Variants in CLCN2 observed in about 807,000 individuals in gnomAD.
CLCN2 encodes chloride channel protein 2.
In CLCN2, 72 loss-of-function variants were observed where a neutral mutation model predicts 108.3. That is an observed-to-expected ratio of 0.66 (90% confidence interval 0.55 to 0.81). The LOEUF (loss-of-function observed/expected upper bound fraction) is 0.81. CLCN2 is among the 30% of genes least tolerant of loss of function. The pLI is 0.00. For missense variants in CLCN2, 1,048 were observed against 1,205.2 expected (o/e 0.87, Z 1.93); for synonymous variants, 471 against 467.1 (o/e 1.01, Z -0.11).
At chr3:184,354,500 G>C in intron 14 of CLCN2, 48 bp downstream of exon 14, 1 of 1,491,700 alleles carries the variant, frequency 6.7e-7, no homozygotes, top group Non-Finnish European at 9.3e-7. Context: ...TGTGGCTGGG[G>C]CGTGGGTGGG....
chr3:184,356,639 C>CA (rs555983047), intron 10 of CLCN2: 6,983 of 115,064 alleles, frequency 0.061, 49 homozygotes, highest in African/African-American at 0.091. Flanking sequence ...AACTCCGTCT[C>CA]AAAAAAAAAA....
At chr3:184,358,497 G>T in intron 3 of CLCN2, 185 bp downstream of exon 3, 1 of 1,087,550 alleles carries the variant, frequency 9.2e-7, no homozygotes, top group Non-Finnish European at 1.4e-6. Context: ...CACTTGGAGA[G>T]GGGATGCAAG....
rs1712095223 is a variant in CLCN2, at chr3:184,361,410, C to T, written c.63+7G>A. On this transcript the variant is annotated splice_region_variant and intron_variant, in intron 1 of 23. Coordinates refer to ENST00000265593, the MANE Select transcript of CLCN2 (RefSeq NM_004366.6). This position sits in a 1 kb window ranked among gnomAD's most constrained non-coding sequence, Gnocchi z 6.6. ...GCACTCCTGGGGCTCAGCTCAGCTT[C>T]ACTTACCAGGGTCTGCTCGTACTGC... 1 of 1,613,688 alleles carries T rather than the reference C, an allele frequency of 6.2e-7. No homozygotes were observed. Among genetic ancestry groups the T allele is most frequent in the South Asian group, 1.1e-5 (1 of 91,088 alleles).
intron 3 of CLCN2, 22 bp from the exon 4 acceptor site, chr3:184,358,332 G>A (rs1342377314): frequency 6.2e-7 from 1 of 1,612,974 alleles, no homozygotes; most frequent in East Asian, 2.2e-5. Context: ...GGACCTGCTG[G>A]ACCCCCAGTG....
In CLCN2 at chr3:184,357,441, C is replaced by T. The variant is rs905696704; in HGVS notation, c.819G>A (p.Arg273=). 6.2e-7 allele frequency: 1 copy of T among 1,614,062 alleles called. No individual in the cohort carries two copies. Among genetic ancestry groups the T allele is most frequent in the Non-Finnish European group, 8.5e-7 (1 of 1,180,050 alleles). ...CAGCGAAGAAGCCCCGCCAGTAGTT[C>T]CGCACTGCAAAGAAGGTGGAGGTGA... ...IEVTSTFFAV[R]NYWRGFFAAT... is the part of the protein sequence containing the mutation. Residue 273 remains arginine, a synonymous_variant, in exon 8 of 24, where the codon CGG becomes CGA. Transcript: ENST00000265593.
At position 184,353,343 on chromosome 3, in the gene CLCN2, C is replaced by CCGG. The variant is rs545787624; in HGVS notation, c.1932_1934dup (p.Arg646dup). Reference sequence around the variant, plus strand: ...CTCTGCGCTCCTGCATGTGCTGCCGCCGGCGGGCTGGGCTCAGCTGGGCCC... The same window carrying CCGG: ...CTCTGCGCTCCTGCATGTGCTGCCGCCGGCGGCGGGCTGGGCTCAGCTGGGCCC... On this transcript the variant is annotated inframe_insertion, in exon 17 of 24. Coordinates refer to ENST00000265593, the MANE Select transcript of CLCN2 (RefSeq NM_004366.6). 34,529 of 1,613,312 alleles carry CCGG rather than the reference C, an allele frequency of 0.021. 446 individuals are homozygous for CCGG. The highest frequency in any genetic ancestry group is 0.026 in the Non-Finnish European group (30,311 of 1,179,942).
At position 184,357,187 on chromosome 3, in the gene CLCN2, G is replaced by A; in HGVS notation, c.978C>T (p.Val326=). The change falls in exon 9 of 24, where the codon GTC becomes GTT. Residue 326 remains valine (V), a synonymous_variant. Transcript: ENST00000265593. ...CAGCCCCCTCAGCTCCTCACCCAAT[G>A]ACAGCAAAGGCTGGCAGCTCCTGCA... is the stretch of plus-strand genomic sequence containing the variant. ...FDLQELPAFA[V]IGIASGFGGA... The A allele has an allele frequency of 1.2e-6, 2 of 1,613,834 alleles. No individual in the cohort carries two copies. The highest frequency in any genetic ancestry group is 1.7e-6 in the Non-Finnish European group (2 of 1,179,944).
At chr3:184,354,039 G>A (rs2108565282) in intron 15 of CLCN2, 62 bp downstream of exon 15, 3 of 1,541,232 alleles carry the variant, frequency 1.9e-6, no homozygotes, top group Middle Eastern at 4.1e-4. Context: ...GGTGGCTGTA[G>A]GGGGATCTAG....
chr3:184,353,688 C>A lies in CLCN2; in HGVS notation c.1829G>T (p.Arg610Leu), dbSNP rs200403170. The change falls in exon 16 of 24, where the codon CGA becomes CTA. Residue 610 changes from arginine to leucine, a missense_variant. By Grantham distance (102) the Arg-to-Leu change is moderately radical. Coordinates refer to ENST00000265593, the MANE Select transcript of CLCN2 (RefSeq NM_004366.6). ...AGGGGACTCCACTAGGGCCAGCATT[C>A]GGCCCTTGGTCCTGTGCAGTGCCAA... ...LRLALHRTKG[R>L]MLALVESPES... is the part of the protein sequence containing the mutation. The A allele has an allele frequency of 1.9e-6, 3 of 1,611,886 alleles. No individual in the cohort carries two copies. The highest frequency in any genetic ancestry group is 1.1e-5 in the South Asian group (1 of 90,630).
At chr3:184,351,567 C>T (rs1053166099) in intron 22 of CLCN2, among the ~76,000 whole-genome samples, 3 of 152,270 alleles carry the variant, frequency 2.0e-5, no homozygotes, top group African/African-American at 7.2e-5. Flanking sequence ...TTTATCTCTA[C>T]TCTGCAGTCT....
intron 22 of CLCN2, among the ~76,000 whole-genome samples, chr3:184,350,300 T>C (rs912645782): frequency 6.6e-6 from 1 of 152,184 alleles, no homozygotes; most frequent in African/African-American, 2.4e-5. Context: ...AAATCTGGGC[T>C]CTGGGCCTGA....
rs544871892 is a variant in CLCN2, at chr3:184,354,884, G to A, written c.1396+20C>T. On this transcript the variant is annotated intron_variant, in intron 13 of 23. Coordinates refer to ENST00000265593, the MANE Select transcript of CLCN2 (RefSeq NM_004366.6). ...GCTGAGGAAGGTGCAGGCTGGGTGA[G>A]CAGGCAGCTGAGAACTCACCAATGA... The A allele has an allele frequency of 6.2e-7, 1 of 1,611,924 alleles. No individual in the cohort carries two copies. The highest frequency in any genetic ancestry group is 1.1e-5 in the South Asian group (1 of 91,038).
rs931639957 is a variant in CLCN2, at chr3:184,358,520, G to C, written c.352+162C>G. On this transcript the variant is annotated intron_variant, in intron 3 of 23. Transcript: ENST00000265593. ...GAGGGGATGCAAGAAGCTGTGCCCT[G>C]TGGGAGTGGCCGAGATGATGCCTGA... 9.6e-6 allele frequency: 11 copies of C among 1,143,926 alleles called. No homozygotes were observed. The Admixed American group carries it at 9.9e-5, about 10-fold the overall frequency. 70.9% of individuals were successfully genotyped at this position (1,143,926 alleles called of 1,614,324 possible). A position where few individuals can be genotyped will look rare whatever the true frequency, so the allele number is the denominator to read the frequency against.
chr3:184,355,607 G>A lies in CLCN2; in HGVS notation c.1171-78C>T. 1.2e-6 allele frequency: 2 copies of A among 1,605,306 alleles called. No individual in the cohort carries two copies. The highest frequency in any genetic ancestry group is 1.3e-5 in the African/African-American group (1 of 74,886). On this transcript the variant is annotated intron_variant, in intron 11 of 23. Coordinates refer to ENST00000265593, the MANE Select transcript of CLCN2 (RefSeq NM_004366.6). The surrounding 1 kb of genome is among the most constrained non-coding windows in gnomAD (Gnocchi z 6.3). ...GGCCATGGGATCCCACGGGGAACAA[G>A]GGGTCCCACAGTCACACTGGGGCTG...
intron 2 of CLCN2, 31 bp downstream of exon 2, chr3:184,358,944 C>A (rs765783489): frequency 1.2e-6 from 2 of 1,613,396 alleles, no homozygotes; most frequent in Non-Finnish European, 1.7e-6. Flanking sequence ...CACAGCACAG[C>A]CAGGTCCCCT....
At chr3:184,347,294 T>A in intron 22 of CLCN2, 1 of 506,640 alleles carries the variant, frequency 2.0e-6, no homozygotes, top group East Asian at 3.7e-5. Context: ...TAGTCCCATG[T>A]TAGAAAGGGG....
chr3:184,351,266 CA>C (rs1728070864), intron 22 of CLCN2, among the ~76,000 whole-genome samples: 1 of 152,014 alleles, frequency 6.6e-6, no homozygotes. Flanking sequence ...TTATGCCTGT[CA>C]AAAGTTTAGC....
Position 184,353,793 on chromosome 3 carries a change from T to G in CLCN2, c.1724A>C (p.Gln575Pro). The G allele has an allele frequency of 1.2e-6, 2 of 1,605,718 alleles. No individual in the cohort carries two copies. Among genetic ancestry groups the G allele is most frequent in the Non-Finnish European group, 1.7e-6 (2 of 1,176,776 alleles). Residue 575 changes from glutamine to proline, a missense_variant and splice_region_variant, in exon 16 of 24, where the codon CAG becomes CCG. Coordinates refer to ENST00000265593, the MANE Select transcript of CLCN2 (RefSeq NM_004366.6). ...GATGTCCTCCACACGCACCCGGTACTGCCTGGGGGCCGAGAGAGGCGCTTG... is the reference window on the plus strand; with the variant it reads ...GATGTCCTCCACACGCACCCGGTACGGCCTGGGGGCCGAGAGAGGCGCTTG... ...LPELGWGRHQ[Q>P]YRVRVEDIMV... is the part of the protein sequence containing the mutation.
chr3:184,357,713 G>A lies in CLCN2; in HGVS notation c.694-15C>T, dbSNP rs1378326533. On this transcript the variant is annotated splice_polypyrimidine_tract_variant and intron_variant, in intron 6 of 23. Coordinates refer to ENST00000265593, the MANE Select transcript of CLCN2 (RefSeq NM_004366.6). ...CGGGATTCATTCTGGCGAGAGTGGTGGCAAGAGGGGGTCAGCTGTGGGCTC... is the reference window on the plus strand; with the variant it reads ...CGGGATTCATTCTGGCGAGAGTGGTAGCAAGAGGGGGTCAGCTGTGGGCTC... 1.9e-6 allele frequency: 3 copies of A among 1,613,918 alleles called. No homozygotes were observed. Among genetic ancestry groups the A allele is most frequent in the Non-Finnish European group, 2.5e-6 (3 of 1,180,034 alleles).
Sources: allele counts gnomAD v4.1 joint callset (sites outside exome capture counted in the v4.1 genomes callset), GRCh38; gene constraint gnomAD v4.1.1; non-coding constraint Gnocchi (gnomAD v3.1); transcripts MANE v1.5; gene names NCBI Gene and HGNC (gene_info 2026-07-23, HGNC 2026-07-21).